SLC35F5: variants seen among roughly 807,000 people sequenced by gnomAD.
SLC35F5 encodes solute carrier family 35 member F5.
A neutral mutation model predicts 68.6 loss-of-function variants in SLC35F5; 54 were observed. The observed-to-expected ratio is 0.79, with a 90% CI of 0.63 to 0.99. SLC35F5 has a LOEUF of 0.99. SLC35F5 is among the 50% of genes least tolerant of loss of function. The pLI is 0.00. For missense variants in SLC35F5, 567 were observed against 626.9 expected (o/e 0.90, Z 1.02); for synonymous variants, 211 against 205.2 (o/e 1.03, Z -0.24).
At position 113,742,727 on chromosome 2, in the gene SLC35F5, G is replaced by C. The variant is rs1676325686; in HGVS notation, c.715C>G (p.Gln239Glu). The C allele has an allele frequency of 1.9e-6, 3 of 1,613,476 alleles. No homozygotes were observed. The highest frequency in any genetic ancestry group is 2.5e-6 in the Non-Finnish European group (3 of 1,179,876). Residue 239 changes from glutamine to glutamate, a missense_variant, in exon 7 of 16, where the codon CAA becomes GAA. Physicochemically the swap from Gln to Glu is conservative, Grantham distance 29. Transcript: ENST00000245680. Reference sequence around the variant, plus strand: ...AAAAAAAAGCTAATTTTCGCTACTTGAGTTGCAGTAAGTTTCCCCACAGTT... The same window carrying C: ...AAAAAAAAGCTAATTTTCGCTACTTCAGTTGCAGTAAGTTTCCCCACAGTT... ...LKTVGKLTAT[Q>E]VAKISFFFCF...
downstream of SLC35F5, chr2:113,704,993 T>C (rs1449819778): frequency 6.6e-6 from 1 of 152,234 alleles, no homozygotes; most frequent in African/African-American, 2.4e-5. Context: ...TGAAGATTAA[T>C]TGTTGGCCAA....
Position 113,756,502 on chromosome 2 carries a change from G to A in SLC35F5, c.-93C>T, listed in dbSNP as rs1676999596. Reference sequence around the variant, plus strand: ...ACCGCGCCTGACATCGCGCCGCACTGGAGGCCCAGCTCCTGAAGACGCGGT... The same window carrying A: ...ACCGCGCCTGACATCGCGCCGCACTAGAGGCCCAGCTCCTGAAGACGCGGT... On this transcript the variant is annotated 5_prime_UTR_variant, in exon 1 of 16. Transcript: ENST00000245680. 2 of 1,516,058 alleles carry A rather than the reference G, an allele frequency of 1.3e-6. No individual in the cohort carries two copies. The highest frequency in any genetic ancestry group is 4.9e-5 in the East Asian group (2 of 40,462). The allele number at this position is 1,516,058 out of a possible 1,614,324, so 93.9% of individuals were successfully genotyped here.
intron 4 of SLC35F5, among the ~76,000 whole-genome samples, chr2:113,749,040 T>C (rs1559361642): frequency 6.6e-6 from 1 of 152,118 alleles, no homozygotes. Flanking sequence ...CCTGACCTCA[T>C]GATTCGCCCC....
At position 113,746,258 on chromosome 2, in the gene SLC35F5, C is replaced by T; in HGVS notation, c.480+19G>A. ...CTCAACCCCACCTCTCTATTCCTGA[C>T]AAGAAAAGAAGCACTTACCAAAGAA... On this transcript the variant is annotated intron_variant, in intron 5 of 15. Transcript: ENST00000245680. 1.2e-6 allele frequency: 2 copies of T among 1,607,250 alleles called. No individual in the cohort carries two copies.
At position 113,713,872 on chromosome 2, in the gene SLC35F5, T is replaced by G. The variant is rs1216444102; in HGVS notation, c.*1346A>C. The G allele has an allele frequency of 6.6e-6, 1 of 152,094 alleles. No homozygotes were observed. Among genetic ancestry groups the G allele is most frequent in the Non-Finnish European group, 1.5e-5 (1 of 68,004 alleles). The allele number at this position is 152,094 out of a possible 1,614,324, so 9.4% of individuals were successfully genotyped here. A position where few individuals can be genotyped will look rare whatever the true frequency, so the allele number is the denominator to read the frequency against. Reference sequence around the variant, plus strand: ...AACAAAAGGAAGGCTAAACTTCATTTTAGACTCATGGTAACACCAAAGCAA... The same window carrying G: ...AACAAAAGGAAGGCTAAACTTCATTGTAGACTCATGGTAACACCAAAGCAA... On this transcript the variant is annotated 3_prime_UTR_variant, in exon 16 of 16. Coordinates refer to ENST00000245680, the MANE Select transcript of SLC35F5 (RefSeq NM_025181.5).
At chr2:113,740,729 C>T (rs1676233177) in intron 7 of SLC35F5, among the ~76,000 whole-genome samples, 1 of 152,072 alleles carries the variant, frequency 6.6e-6, no homozygotes. Context: ...TGGGTTCAAG[C>T]GATTCTCCTG....
intron 1 of SLC35F5, chr2:113,756,047 C>G: frequency 6.8e-7 from 1 of 1,467,874 alleles, no homozygotes. Flanking sequence ...CTCCACCCAC[C>G]TCTATCAAAA....
In SLC35F5 at chr2:113,711,746, A is replaced by G. The variant is rs1410270267; in HGVS notation, c.*3472T>C. Among the ~76,000 whole-genome samples the G allele has an allele frequency of 6.6e-5, 10 of 152,198 alleles. No individual in the cohort carries two copies. Among genetic ancestry groups the G allele is most frequent in the Admixed American group, 6.5e-4 (10 of 15,272 alleles). On this transcript the variant is annotated 3_prime_UTR_variant, in exon 16 of 16. Transcript: ENST00000245680. ...GTAATTATTTCTGTTAACTCCTCCT[A>G]AAATATTATTTAGTAATAAAGAATA... is the stretch of plus-strand genomic sequence containing the variant.
chr2:113,743,735 G>T lies in SLC35F5; in HGVS notation c.540C>A (p.Ser180Arg). The T allele has an allele frequency of 6.2e-7, 1 of 1,612,112 alleles. No homozygotes were observed. ...TACTTTTTTCAGTATCAATGTTTGT[G>T]CTCTCAGGTTTTTCACTTGGAAGAT... is the stretch of plus-strand genomic sequence containing the variant. ...FHDLPSEKPESTNIDTEKTPK... is the reference protein window; with the variant it reads ...FHDLPSEKPERTNIDTEKTPK... The change falls in exon 6 of 16, where the codon AGC becomes AGA. Residue 180 changes from serine to arginine, a missense_variant. By Grantham distance (110) the Ser-to-Arg change is moderately radical. Coordinates refer to ENST00000245680, the MANE Select transcript of SLC35F5 (RefSeq NM_025181.5).
At chr2:113,756,071 T>A (rs1489837811) in intron 1 of SLC35F5, 1 of 1,456,932 alleles carries the variant, frequency 6.9e-7, no homozygotes, top group Non-Finnish European at 9.0e-7. Flanking sequence ...CCAGTCATTT[T>A]AAAAGAAACA....
chr2:113,751,481 G>A (rs562768048), intron 3 of SLC35F5, among the ~76,000 whole-genome samples: 4 of 152,264 alleles, frequency 2.6e-5, no homozygotes, highest in South Asian at 4.1e-4. Flanking sequence ...ACTCTAGGAC[G>A]TAAATGGTGG....
At chr2:113,755,432 A>G in intron 2 of SLC35F5, 22 bp downstream of exon 2, 1 of 1,612,704 alleles carries the variant, frequency 6.2e-7, no homozygotes, top group Non-Finnish European at 8.5e-7. Flanking sequence ...AAAGTTACAT[A>G]GAGGATAAAC....
At chr2:113,730,716 G>A (rs1049496068) in intron 10 of SLC35F5, among the ~76,000 whole-genome samples, 6 of 152,220 alleles carry the variant, frequency 3.9e-5, no homozygotes, top group Non-Finnish European at 8.8e-5. Flanking sequence ...TAACAGGCAT[G>A]AGTCACCATG....
chr2:113,740,635 C>CT (rs1285956950), intron 7 of SLC35F5, among the ~76,000 whole-genome samples: 9 of 150,950 alleles, frequency 6.0e-5, no homozygotes, highest in African/African-American at 1.2e-4. Context: ...TTTTCTTTTT[C>CT]TTTTTTTTTG....
intron 10 of SLC35F5, among the ~76,000 whole-genome samples, chr2:113,730,488 G>A (rs58446565): frequency 1.5e-3 from 225 of 152,324 alleles, no homozygotes; most frequent in African/African-American, 4.1e-3. Context: ...TGAGAAAGAG[G>A]TGAGGAGGTT....
At position 113,710,229 on chromosome 2, in the gene SLC35F5, A is replaced by AAT. The variant is rs1229615319; in HGVS notation, c.*4987_*4988dup. Among the ~76,000 whole-genome samples, 1 of 152,140 alleles carries AAT rather than the reference A, an allele frequency of 6.6e-6. No individual in the cohort carries two copies. The highest frequency in any genetic ancestry group is 1.5e-5 in the Non-Finnish European group (1 of 68,036). The stretch of plus-strand genomic sequence containing the variant: ...CTTTACTTAGGAGTATGCATATTAA[A>AAT]ATATATATATAACTTAACACTATGC... On this transcript the variant is annotated 3_prime_UTR_variant, in exon 16 of 16. Coordinates refer to ENST00000245680, the MANE Select transcript of SLC35F5 (RefSeq NM_025181.5).
intron 11 of SLC35F5, among the ~76,000 whole-genome samples, chr2:113,727,393 C>T (rs1286014902): frequency 6.6e-6 from 1 of 152,110 alleles, no homozygotes; most frequent in Non-Finnish European, 1.5e-5. Flanking sequence ...ACAGCAAGGA[C>T]ACGACCTAAA....
downstream of SLC35F5, chr2:113,703,938 T>C (rs901623636): frequency 1.3e-4 from 20 of 152,340 alleles, no homozygotes; most frequent in African/African-American, 4.6e-4. Flanking sequence ...TCGCGGTGAG[T>C]GTTACAGTTC....
At chr2:113,752,046 T>C (rs1676766610) in intron 3 of SLC35F5, among the ~76,000 whole-genome samples, 1 of 151,960 alleles carries the variant, frequency 6.6e-6, no homozygotes, top group South Asian at 2.1e-4. Context: ...ACCCAGTCTG[T>C]ACTAAAAATA....
Sources: allele counts gnomAD v4.1 joint callset (sites outside exome capture counted in the v4.1 genomes callset), GRCh38; gene constraint gnomAD v4.1.1; transcripts MANE v1.5; gene names NCBI Gene and HGNC (gene_info 2026-07-23, HGNC 2026-07-21).